The following NETO2 variants were observed in gnomAD, a reference collection of about 807,000 sequenced individuals.
The protein encoded by NETO2 is neuropilin and tolloid-like protein 2.
NETO2 carries 28 observed loss-of-function variants against 62.5 expected under a neutral mutation model. The ratio of observed to expected loss-of-function variants is 0.45; its 90% CI spans 0.33 to 0.61. NETO2 has a LOEUF of 0.61. NETO2 is among the 20% of genes least tolerant of loss of function. The pLI is 0.02. For missense variants in NETO2, 548 were observed against 643.2 expected (o/e 0.85, Z 1.60); for synonymous variants, 214 against 219.1 (o/e 0.98, Z 0.21).
At chr16:47,099,744 G>A (rs988434513) in intron 7 of NETO2, among the ~76,000 whole-genome samples, 2 of 151,834 alleles carry the variant, frequency 1.3e-5, no homozygotes, top group Non-Finnish European at 2.9e-5. Flanking sequence ...AGGGATCAAC[G>A]CAACAAGAGC....
At chr16:47,112,398 T>G (rs984880083) in intron 6 of NETO2, among the ~76,000 whole-genome samples, 1 of 152,242 alleles carries the variant, frequency 6.6e-6, no homozygotes, top group Non-Finnish European at 1.5e-5. Context: ...TCACTCTGTC[T>G]CCTAGGTTGG....
chr16:47,094,574 C>T (rs925538251), intron 7 of NETO2, among the ~76,000 whole-genome samples: 1 of 151,356 alleles, frequency 6.6e-6, no homozygotes, highest in Non-Finnish European at 1.5e-5. Context: ...TACAGGCGCC[C>T]GCCACCATGC....
At chr16:47,116,406 TTTC>T (rs537635635) in intron 6 of NETO2, among the ~76,000 whole-genome samples, 55 of 152,298 alleles carry the variant, frequency 3.6e-4, no homozygotes, top group African/African-American at 1.3e-3. Flanking sequence ...CAATCATAGT[TTTC>T]TTTAGTCTTT....
chr16:47,087,563 T>C (rs1963221644), intron 7 of NETO2, among the ~76,000 whole-genome samples: 1 of 152,210 alleles, frequency 6.6e-6, no homozygotes, highest in African/African-American at 2.4e-5. Flanking sequence ...TTAATGCTAC[T>C]GAACTGTATA....
chr16:47,140,313 C>T (rs1450429966), intron 1 of NETO2, among the ~76,000 whole-genome samples: 2 of 152,056 alleles, frequency 1.3e-5, no homozygotes, highest in East Asian at 1.9e-4. Flanking sequence ...CTCAGGGAGA[C>T]GTATTTCTAA....
At chr16:47,086,178 C>G (rs774491598) in intron 8 of NETO2, 48 bp downstream of exon 8, 2 of 997,530 alleles carry the variant, frequency 2.0e-6, no homozygotes, top group Non-Finnish European at 3.2e-6. Context: ...TAATGAAGGG[C>G]AATAGCCACT....
intron 7 of NETO2, among the ~76,000 whole-genome samples, chr16:47,088,682 A>G (rs1390068886): frequency 6.6e-6 from 1 of 152,202 alleles, no homozygotes; most frequent in Non-Finnish European, 1.5e-5. Context: ...ATAATTTTAA[A>G]AACAGCCACG....
chr16:47,125,740 G>A (rs542643982), intron 4 of NETO2, among the ~76,000 whole-genome samples: 1 of 152,192 alleles, frequency 6.6e-6, no homozygotes, highest in African/African-American at 2.4e-5. Context: ...ATCCAGGCTG[G>A]AGTGCAGTGG....
At chr16:47,132,773 C>T (rs947014797) in intron 1 of NETO2, among the ~76,000 whole-genome samples, 4 of 152,210 alleles carry the variant, frequency 2.6e-5, no homozygotes, top group Non-Finnish European at 5.9e-5. Flanking sequence ...TAGGCACTTA[C>T]AGAGTATCCA....
In NETO2 at chr16:47,083,001, AGAT is replaced by A. The variant is rs1268766188; in HGVS notation, c.*217_*219del. Reference sequence around the variant, plus strand: ...TCCTATAAATGACACCAAGCAATAGAGATGATTATTGTTTCCACTGAATAGAGT... The same window carrying A: ...TCCTATAAATGACACCAAGCAATAGAGATTATTGTTTCCACTGAATAGAGT... On this transcript the variant is annotated 3_prime_UTR_variant, in exon 9 of 9. Coordinates refer to ENST00000562435, the MANE Select transcript of NETO2 (RefSeq NM_018092.5). 1 of 467,996 alleles carries A rather than the reference AGAT, an allele frequency of 2.1e-6. No individual in the cohort carries two copies. 29.0% of individuals were successfully genotyped at this position (467,996 alleles called of 1,614,324 possible). A position where few individuals can be genotyped will look rare whatever the true frequency, so the allele number is the denominator to read the frequency against.
intron 7 of NETO2, among the ~76,000 whole-genome samples, chr16:47,087,816 T>C (rs1044144069): frequency 6.6e-6 from 1 of 152,196 alleles, no homozygotes; most frequent in Non-Finnish European, 1.5e-5. Flanking sequence ...GAAAATCCCC[T>C]TGCTTCTCTG....
intron 7 of NETO2, among the ~76,000 whole-genome samples, chr16:47,106,641 A>G (rs1963681451): frequency 6.6e-6 from 1 of 152,210 alleles, no homozygotes; most frequent in Admixed American, 6.5e-5. Flanking sequence ...TAGCTTCTTT[A>G]TAACTGCAAA....
At chr16:47,131,267 C>T (rs1345263564) in intron 2 of NETO2, among the ~76,000 whole-genome samples, 2 of 151,958 alleles carry the variant, frequency 1.3e-5, no homozygotes, top group Non-Finnish European at 2.9e-5. Context: ...TCTCATCTTC[C>T]ACGGTGAAAA....
intron 7 of NETO2, among the ~76,000 whole-genome samples, chr16:47,090,990 G>A (rs139240513): frequency 1.3e-5 from 2 of 152,244 alleles, no homozygotes; most frequent in East Asian, 1.9e-4. Context: ...GGGTGAAATT[G>A]TAACAATTAC....
In NETO2 at chr16:47,094,140, A is replaced by G. The variant is rs555749596; in HGVS notation, c.884-7801T>C. 6.7e-4 allele frequency among the ~76,000 whole-genome samples: 102 copies of G among 152,340 alleles called. 1 individual carries two copies. Among genetic ancestry groups the G allele is most frequent in the African/African-American group, 2.3e-3 (96 of 41,580 alleles). ...TGTAGATTAAAGTTAAGGGCCATTC[A>G]AATTCAAGTAAAAAAATGATGGTAT... On this transcript the variant is annotated intron_variant, in intron 7 of 8. Transcript: ENST00000562435.
chr16:47,088,593 A>C (rs1324683767), intron 7 of NETO2, among the ~76,000 whole-genome samples: 1 of 152,146 alleles, frequency 6.6e-6, no homozygotes, highest in Admixed American at 6.5e-5. Flanking sequence ...GTTTTTCAAG[A>C]TAGAGTATCT....
At chr16:47,095,992 A>C (rs943188139) in intron 7 of NETO2, among the ~76,000 whole-genome samples, 1 of 152,222 alleles carries the variant, frequency 6.6e-6, no homozygotes, top group Non-Finnish European at 1.5e-5. Flanking sequence ...ACTAGATATC[A>C]ACAACTGAAG....
At chr16:47,086,756 A>AATT (rs1963198586) in intron 7 of NETO2, among the ~76,000 whole-genome samples, 1 of 152,174 alleles carries the variant, frequency 6.6e-6, no homozygotes, top group African/African-American at 2.4e-5. Context: ...TTAAAGATAG[A>AATT]ATTACCGTAT....
chr16:47,083,186 A>G lies in NETO2; in HGVS notation c.*35T>C. 1 of 1,555,448 alleles carries G rather than the reference A, an allele frequency of 6.4e-7. No individual in the cohort carries two copies. Among genetic ancestry groups the G allele is most frequent in the Non-Finnish European group, 8.7e-7 (1 of 1,143,658 alleles). On this transcript the variant is annotated 3_prime_UTR_variant, in exon 9 of 9. Coordinates refer to ENST00000562435, the MANE Select transcript of NETO2 (RefSeq NM_018092.5). ...GGTGCCCTGGAGGCTGCGTACGTAC[A>G]CACCCTAAGAATTCACATCACCATT...
Sources: allele counts gnomAD v4.1 joint callset (sites outside exome capture counted in the v4.1 genomes callset), GRCh38; gene constraint gnomAD v4.1.1; transcripts MANE v1.5; gene names NCBI Gene and HGNC (gene_info 2026-07-23, HGNC 2026-07-21).